The following IGSF21 variants were observed in gnomAD, a reference collection of about 807,000 sequenced individuals.
IGSF21 encodes immunoglobin superfamily member 21, also known as immunoglobulin superfamily member 21.
IGSF21 carries 28 observed loss-of-function variants against 46.8 expected under a neutral mutation model. The ratio of observed to expected loss-of-function variants is 0.60; its 90% CI spans 0.44 to 0.82. The LOEUF (loss-of-function observed/expected upper bound fraction) is 0.82. Ranked by LOEUF, IGSF21 falls within the 40% of genes least tolerant of loss-of-function variation. IGSF21 has a pLI of 0.00. For synonymous variants in IGSF21, 284 were observed against 273.6 expected (o/e 1.04, Z -0.38); for missense variants, 624 against 665.5 (o/e 0.94, Z 0.69).
intron 1 of IGSF21, among the ~76,000 whole-genome samples, chr1:18,218,828 A>G (rs941266166): frequency 1.3e-5 from 2 of 152,250 alleles, no homozygotes; most frequent in African/African-American, 4.8e-5. Flanking sequence ...TGAACAAGTT[A>G]TCAAAAACAG....
chr1:18,148,692 G>C (rs1319245595), intron 1 of IGSF21, among the ~76,000 whole-genome samples: 1 of 152,238 alleles, frequency 6.6e-6, no homozygotes, highest in East Asian at 1.9e-4. Context: ...GTGCACAGTA[G>C]ATGTTTGTGG....
intron 3 of IGSF21, among the ~76,000 whole-genome samples, chr1:18,332,906 C>A (rs2085729393): frequency 6.6e-6 from 1 of 152,080 alleles, no homozygotes; most frequent in Non-Finnish European, 1.5e-5. Flanking sequence ...TGTGGGGGGA[C>A]AGTGAGTCAC....
At chr1:18,123,281 G>T (rs1029034961) in intron 1 of IGSF21, among the ~76,000 whole-genome samples, 5 of 152,206 alleles carry the variant, frequency 3.3e-5, no homozygotes, top group Non-Finnish European at 7.3e-5. Flanking sequence ...CTAGGATGAA[G>T]CATCTGCCTC....
intron 1 of IGSF21, among the ~76,000 whole-genome samples, chr1:18,129,224 G>A (rs894793657): frequency 2.0e-5 from 3 of 152,160 alleles, no homozygotes; most frequent in Non-Finnish European, 4.4e-5. Context: ...AGGAAAAGGG[G>A]AGAGAGAGTA....
chr1:18,210,038 G>A (rs147852649), intron 1 of IGSF21, among the ~76,000 whole-genome samples: 7 of 152,246 alleles, frequency 4.6e-5, no homozygotes, highest in Non-Finnish European at 7.3e-5. Flanking sequence ...TCAGCAGGAC[G>A]AAGTTAGATG....
At chr1:18,231,807 C>T (rs1026288454) in intron 2 of IGSF21, among the ~76,000 whole-genome samples, 6 of 152,204 alleles carry the variant, frequency 3.9e-5, no homozygotes, top group East Asian at 1.9e-4. Flanking sequence ...ATACACTGTG[C>T]TCACCTGACA....
chr1:18,150,823 G>C (rs2086515702), intron 1 of IGSF21, among the ~76,000 whole-genome samples: 1 of 152,218 alleles, frequency 6.6e-6, no homozygotes, highest in Admixed American at 6.5e-5. Context: ...TCTCTGAGTG[G>C]GATCACAAAT....
At chr1:18,217,662 C>G (rs952566290) in intron 1 of IGSF21, among the ~76,000 whole-genome samples, 2 of 152,216 alleles carry the variant, frequency 1.3e-5, no homozygotes, top group Admixed American at 6.5e-5. Flanking sequence ...AGCAAGACTT[C>G]TTGTGTCCTT....
chr1:18,189,148 G>A (rs892212008), intron 1 of IGSF21, among the ~76,000 whole-genome samples: 3 of 152,262 alleles, frequency 2.0e-5, no homozygotes, highest in Admixed American at 1.3e-4. Context: ...AGGCCTCATA[G>A]CGGGGTGCCA....
intron 2 of IGSF21, among the ~76,000 whole-genome samples, chr1:18,283,020 C>T (rs537120706): frequency 2.0e-5 from 3 of 152,200 alleles, no homozygotes; most frequent in Admixed American, 6.5e-5. Context: ...GGCTCACCCA[C>T]GCAGGATGGG....
intron 1 of IGSF21, among the ~76,000 whole-genome samples, chr1:18,167,977 C>T (rs1205459067): frequency 1.3e-5 from 2 of 152,138 alleles, no homozygotes; most frequent in Non-Finnish European, 2.9e-5. Context: ...TCACCTCTAC[C>T]GCAGGAACAC....
intron 1 of IGSF21, among the ~76,000 whole-genome samples, chr1:18,157,411 C>T (rs2124439489): frequency 6.6e-6 from 1 of 152,336 alleles, no homozygotes; most frequent in South Asian, 2.1e-4. Context: ...CCCGCCAATC[C>T]CCTCAAGGTC....
At chr1:18,369,911 C>T (rs2086207754) in intron 6 of IGSF21, among the ~76,000 whole-genome samples, 1 of 152,158 alleles carries the variant, frequency 6.6e-6, no homozygotes, top group Non-Finnish European at 1.5e-5. Flanking sequence ...GATGCCTGAG[C>T]GTCCTGGCAC....
chr1:18,278,152 G>A (rs1331350205), intron 2 of IGSF21, among the ~76,000 whole-genome samples: 3 of 152,116 alleles, frequency 2.0e-5, no homozygotes, highest in Admixed American at 1.3e-4. Flanking sequence ...TGGCTGCATC[G>A]AGAGGGATGA....
At chr1:18,373,572 G>A (rs77924396) in intron 6 of IGSF21, among the ~76,000 whole-genome samples, 3,269 of 152,228 alleles carry the variant, frequency 0.021, 110 homozygotes, top group African/African-American at 0.073. Context: ...TGAAAGCAGC[G>A]AGGGAGGACC....
chr1:18,369,479 G>T (rs928908956), intron 6 of IGSF21, among the ~76,000 whole-genome samples: 2 of 152,172 alleles, frequency 1.3e-5, no homozygotes, highest in Admixed American at 1.3e-4. Flanking sequence ...TCTGGCCCCA[G>T]ATCTCACATT....
chr1:18,173,952 C>T (rs2086769251), intron 1 of IGSF21, among the ~76,000 whole-genome samples: 1 of 152,190 alleles, frequency 6.6e-6, no homozygotes, highest in South Asian at 2.1e-4. Flanking sequence ...AAGAGTTTCA[C>T]CACGTTGGCC....
At chr1:18,362,839 C>G (rs374278410) in intron 5 of IGSF21, among the ~76,000 whole-genome samples, 22 of 152,272 alleles carry the variant, frequency 1.4e-4, no homozygotes, top group African/African-American at 5.1e-4. Flanking sequence ...TTTATGACCT[C>G]TTGAAGGGGG....
Position 18,303,122 on chromosome 1 carries a change from G to A in IGSF21, c.305+11135G>A, listed in dbSNP as rs556418929. 1.0e-3 allele frequency among the ~76,000 whole-genome samples: 156 copies of A among 152,256 alleles called. 1 individual carries two copies. The highest frequency in any genetic ancestry group is 3.6e-3 in the African/African-American group (151 of 41,542). Reference sequence around the variant, plus strand: ...ATGGGTCTTGTTTCTCAAGGCTAGGGACCCTCCCTTATTCATCTCTAGGTT... The same window carrying A: ...ATGGGTCTTGTTTCTCAAGGCTAGGAACCCTCCCTTATTCATCTCTAGGTT... On this transcript the variant is annotated intron_variant, in intron 3 of 9. Transcript: ENST00000251296.
Sources: allele counts gnomAD v4.1 joint callset (sites outside exome capture counted in the v4.1 genomes callset), GRCh38; gene constraint gnomAD v4.1.1; transcripts MANE v1.5; gene names NCBI Gene and HGNC (gene_info 2026-07-23, HGNC 2026-07-21).